Variants in ARHGAP25 observed in about 807,000 individuals in gnomAD.
ARHGAP25 encodes the protein Rho GTPase activating protein 25, also known as rho GTPase-activating protein 25.
A neutral mutation model predicts 71.0 loss-of-function variants in ARHGAP25; 34 were observed. The ratio of observed to expected loss-of-function variants is 0.48; its 90% CI spans 0.36 to 0.64. The LOEUF is 0.64. ARHGAP25 is among the 30% of genes least tolerant of loss of function. The probability of loss-of-function intolerance (pLI) is 0.00; values close to 1 mark genes in which losing one functional copy is unlikely to be tolerated. For missense variants in ARHGAP25, 706 were observed against 805.1 expected (o/e 0.88, Z 1.49); for synonymous variants, 282 against 296.5 (o/e 0.95, Z 0.50).
At chr2:68,741,484 C>A (rs1039524359) in intron 1 of ARHGAP25, among the ~76,000 whole-genome samples, 1 of 152,204 alleles carries the variant, frequency 6.6e-6, no homozygotes, top group East Asian at 1.9e-4. Flanking sequence ...CAACTTCTAA[C>A]GCCCATTTGA....
At chr2:68,804,109 A>C (rs1680194167) in intron 4 of ARHGAP25, among the ~76,000 whole-genome samples, 1 of 152,194 alleles carries the variant, frequency 6.6e-6, no homozygotes, top group African/African-American at 2.4e-5. Flanking sequence ...TGAAGGCAGG[A>C]CAAGGCTGAT....
At chr2:68,737,479 C>T (rs1441668239) in intron 1 of ARHGAP25, among the ~76,000 whole-genome samples, 3 of 152,132 alleles carry the variant, frequency 2.0e-5, no homozygotes, top group African/African-American at 7.2e-5. Context: ...AATCCTTGGC[C>T]TCTACCTTCT....
At chr2:68,719,881 A>G (rs1444546230) in intron 2 of ARHGAP25, among the ~76,000 whole-genome samples, 1 of 152,150 alleles carries the variant, frequency 6.6e-6, no homozygotes, top group Non-Finnish European at 1.5e-5. Flanking sequence ...TTCTCTTGGT[A>G]CCTGACTCAT....
In ARHGAP25 at chr2:68,816,328, C is replaced by G. The variant is rs1303831790; in HGVS notation, c.847C>G (p.Arg283Gly). 6.2e-7 allele frequency: 1 copy of G among 1,613,786 alleles called. No individual in the cohort carries two copies. Among genetic ancestry groups the G allele is most frequent in the African/African-American group, 1.3e-5 (1 of 74,894 alleles). ...GATGAAGCAGCTCTCCATCCTTCCT[C>G]GTGACAACTATAGTCTCCTGAGCTA... Reference protein sequence around the residue: ...ELMKQLSILPRDNYSLLSYIC... With the variant: ...ELMKQLSILPGDNYSLLSYIC... Residue 283 changes from arginine (R) to glycine (G), a missense_variant, in exon 7 of 11, where the codon CGT (arginine) becomes GGT (glycine). Coordinates refer to ENST00000409202, the MANE Select transcript of ARHGAP25 (RefSeq NM_001007231.3).
chr2:68,728,298 C>A (rs1674929890), intron 2 of ARHGAP25, among the ~76,000 whole-genome samples: 1 of 152,136 alleles, frequency 6.6e-6, no homozygotes, highest in Non-Finnish European at 1.5e-5. Context: ...TAACCATCCA[C>A]TAGAATGGCT....
At chr2:68,798,517 G>A (rs200755461) in intron 4 of ARHGAP25, among the ~76,000 whole-genome samples, 53 of 146,832 alleles carry the variant, frequency 3.6e-4, no homozygotes, top group African/African-American at 6.3e-4. Context: ...AGAGGAGAGA[G>A]AAAAAAAAAA....
At chr2:68,784,190 T>A (rs746440180) in intron 3 of ARHGAP25, among the ~76,000 whole-genome samples, 83 of 150,122 alleles carry the variant, frequency 5.5e-4, no homozygotes, top group South Asian at 4.0e-3. Flanking sequence ...TCTCTCTCTC[T>A]CACACACACA....
At chr2:68,744,095 T>G (rs954283773) in intron 1 of ARHGAP25, among the ~76,000 whole-genome samples, 4 of 152,196 alleles carry the variant, frequency 2.6e-5, no homozygotes, top group African/African-American at 9.6e-5. Context: ...CATCTGTTTT[T>G]ATGAAATCTT....
chr2:68,759,404 C>T (rs1479649448), intron 1 of ARHGAP25, among the ~76,000 whole-genome samples: 3 of 150,862 alleles, frequency 2.0e-5, no homozygotes, highest in African/African-American at 7.3e-5. Flanking sequence ...GAGGGTATTA[C>T]CACCTATTCT....
At chr2:68,824,448 G>C (rs1043321312) in intron 10 of ARHGAP25, among the ~76,000 whole-genome samples, 1 of 152,132 alleles carries the variant, frequency 6.6e-6, no homozygotes, top group Non-Finnish European at 1.5e-5. Flanking sequence ...GTAATGAGAG[G>C]GTCAGAAGGA....
intron 5 of ARHGAP25, among the ~76,000 whole-genome samples, chr2:68,811,394 T>C (rs1035116665): frequency 1.3e-5 from 2 of 152,070 alleles, no homozygotes; most frequent in Admixed American, 6.5e-5. Flanking sequence ...CTCCTGCAAA[T>C]TGTCAGCTGA....
chr2:68,768,888 C>G (rs1462587204), intron 1 of ARHGAP25, among the ~76,000 whole-genome samples: 1 of 152,188 alleles, frequency 6.6e-6, no homozygotes, highest in African/African-American at 2.4e-5. Flanking sequence ...ATGAATGGGT[C>G]TCCCAGATCC....
chr2:68,798,713 A>G (rs1679749947), intron 4 of ARHGAP25, among the ~76,000 whole-genome samples: 1 of 152,214 alleles, frequency 6.6e-6, no homozygotes. Context: ...AATAGTGATG[A>G]TTAAGCTTAA....
intron 4 of ARHGAP25, among the ~76,000 whole-genome samples, chr2:68,796,289 G>A (rs1679532410): frequency 6.6e-6 from 1 of 152,052 alleles, no homozygotes; most frequent in South Asian, 2.1e-4. Context: ...CATCTAATTA[G>A]GCTTCCTTAA....
chr2:68,737,938 C>T lies in ARHGAP25; in HGVS notation c.61+2678C>T, dbSNP rs2104283075. Reference sequence around the variant, plus strand: ...TCTCCACTGTACTTCCATCTCAGAGCTGAAGAGGGTCTTGCTGGATGGCAG... The same window carrying T: ...TCTCCACTGTACTTCCATCTCAGAGTTGAAGAGGGTCTTGCTGGATGGCAG... On this transcript the variant is annotated intron_variant, in intron 1 of 10. Transcript: ENST00000409202. Among the ~76,000 whole-genome samples, 3 of 152,286 alleles carry T rather than the reference C, an allele frequency of 2.0e-5. 1 individual carries two copies. The highest frequency in any genetic ancestry group is 2.0e-4 in the Admixed American group (3 of 15,292).
At chr2:68,823,097 A>C (rs1211746468) in intron 10 of ARHGAP25, among the ~76,000 whole-genome samples, 1 of 152,262 alleles carries the variant, frequency 6.6e-6, no homozygotes, top group African/African-American at 2.4e-5. Context: ...TATCTAGCTT[A>C]AGTAGTTTAA....
At chr2:68,814,621 T>G (rs1382248470) in intron 6 of ARHGAP25, among the ~76,000 whole-genome samples, 3 of 152,164 alleles carry the variant, frequency 2.0e-5, no homozygotes, top group African/African-American at 7.2e-5. Flanking sequence ...TATTAGATAG[T>G]CTGCTTCATA....
intron 1 of ARHGAP25, among the ~76,000 whole-genome samples, chr2:68,759,896 A>C (rs1676697053): frequency 6.6e-6 from 1 of 152,062 alleles, no homozygotes; most frequent in Non-Finnish European, 1.5e-5. Context: ...AGAAAACTGC[A>C]GACCAATATC....
rs745535499 is a variant in ARHGAP25, at chr2:68,813,383, G to A, written c.771G>A (p.Leu257=). Residue 257 remains leucine, a synonymous_variant, in exon 6 of 11, where the codon CTG becomes CTA. Coordinates refer to ENST00000409202, the MANE Select transcript of ARHGAP25 (RefSeq NM_001007231.3). Reference sequence around the variant, plus strand: ...CCTGGAGCCAGTACGAAGGGTTCCTGCTCTGTGGGCAGCTCACGAATGCGG... The same window carrying A: ...CCTGGAGCCAGTACGAAGGGTTCCTACTCTGTGGGCAGCTCACGAATGCGG... The part of the protein sequence containing the change: ...VVPWSQYEGF[L]LCGQLTNADE... 33 of 1,613,614 alleles carry A rather than the reference G, an allele frequency of 2.0e-5. No homozygotes were observed. The highest frequency in any genetic ancestry group is 2.5e-5 in the Non-Finnish European group (30 of 1,179,884).
Sources: allele counts gnomAD v4.1 joint callset (sites outside exome capture counted in the v4.1 genomes callset), GRCh38; gene constraint gnomAD v4.1.1; transcripts MANE v1.5; gene names NCBI Gene and HGNC (gene_info 2026-07-23, HGNC 2026-07-21).